TCERG1L: variants seen among roughly 807,000 people sequenced by gnomAD.
TCERG1L encodes the protein transcription elongation regulator 1 like, also known as transcription elongation regulator 1-like protein.
Under a neutral mutation model 56.3 loss-of-function variants are expected in TCERG1L, and 37 were observed. The observed-to-expected ratio is 0.66, with a 90% CI of 0.51 to 0.87. The LOEUF is 0.87. Among genes scored for constraint, TCERG1L ranks in the 40% least tolerant of loss-of-function variants. The pLI is 0.00. For synonymous variants in TCERG1L, 324 were observed against 326.3 expected (o/e 0.99, Z 0.08); for missense variants, 799 against 774.2 (o/e 1.03, Z -0.38).
chr10:131,210,508 A>G lies in TCERG1L; in HGVS notation c.857-43623T>C, dbSNP rs1375276668. On this transcript the variant is annotated intron_variant, in intron 4 of 11. Transcript: ENST00000368642. ...CGTGGGCAATACCAAGGTGAAAATA[A>G]AAAGAAAGAATTATCTGGGAAAAAT... 3.3e-5 allele frequency among the ~76,000 whole-genome samples: 5 copies of G among 152,248 alleles called. No homozygotes were observed. In the East Asian group the frequency reaches 7.7e-4, roughly 23 times the overall value.
chr10:131,280,215 T>C (rs1320845740), intron 3 of TCERG1L, among the ~76,000 whole-genome samples: 1 of 151,662 alleles, frequency 6.6e-6, no homozygotes, highest in Non-Finnish European at 1.5e-5. Flanking sequence ...GTTGCATTCT[T>C]TGAGTTCCTG....
At chr10:131,221,018 C>T (rs965696892) in intron 4 of TCERG1L, among the ~76,000 whole-genome samples, 1 of 152,082 alleles carries the variant, frequency 6.6e-6, no homozygotes, top group Admixed American at 6.5e-5. Context: ...GCCACTGAGG[C>T]CCCCCCAAGC....
chr10:131,158,061 C>T (rs1021233161), intron 6 of TCERG1L, among the ~76,000 whole-genome samples: 2 of 152,240 alleles, frequency 1.3e-5, no homozygotes, highest in Non-Finnish European at 2.9e-5. Context: ...GGAGGCCCTG[C>T]GTCTGGCCAC....
chr10:131,176,427 T>G (rs112598903), intron 4 of TCERG1L, among the ~76,000 whole-genome samples: 2 of 9,446 alleles, frequency 2.1e-4, no homozygotes, highest in Admixed American at 1.1e-3. Context: ...CCAAGACACA[T>G]GTACACACAG....
At chr10:131,117,904 T>C (rs1845475189) in intron 8 of TCERG1L, among the ~76,000 whole-genome samples, 1 of 152,234 alleles carries the variant, frequency 6.6e-6, no homozygotes, top group African/African-American at 2.4e-5. Context: ...TCTGGCCAAA[T>C]GCAGACGCCG....
chr10:131,280,805 C>T (rs1412892534), intron 3 of TCERG1L, among the ~76,000 whole-genome samples: 1 of 152,154 alleles, frequency 6.6e-6, no homozygotes, highest in Non-Finnish European at 1.5e-5. Flanking sequence ...CCGACAGGCT[C>T]AGGGTGGACA....
chr10:131,122,884 A>C (rs1211764372), intron 8 of TCERG1L, among the ~76,000 whole-genome samples: 1 of 152,188 alleles, frequency 6.6e-6, no homozygotes, highest in Admixed American at 6.5e-5. Flanking sequence ...TCAGAATTAG[A>C]CTTAATTGTA....
At position 131,192,028 on chromosome 10, in the gene TCERG1L, C is replaced by T. The variant is rs533211590; in HGVS notation, c.857-25143G>A. ...CAACAAAACCAAAAATAAATAAATG[C>T]GACCTTATTAAACTAAAAAAGCTTC... On this transcript the variant is annotated intron_variant, in intron 4 of 11. Transcript: ENST00000368642. 1.6e-3 allele frequency among the ~76,000 whole-genome samples: 223 copies of T among 142,106 alleles called. 37 individuals are homozygous for T. The highest frequency in any genetic ancestry group is 2.8e-3 in the Non-Finnish European group (181 of 64,772). The allele number at this position is 142,106 out of a possible 152,430, so 93.2% of individuals were successfully genotyped here.
chr10:131,294,816 T>C (rs1846671036), intron 3 of TCERG1L, among the ~76,000 whole-genome samples: 1 of 152,062 alleles, frequency 6.6e-6, no homozygotes, highest in Admixed American at 6.5e-5. Flanking sequence ...CCTGGCATTT[T>C]GTTGGGTATG....
intron 6 of TCERG1L, among the ~76,000 whole-genome samples, chr10:131,149,996 C>T (rs1184721342): frequency 6.6e-6 from 1 of 152,216 alleles, no homozygotes; most frequent in African/African-American, 2.4e-5. Context: ...CCATTTCTAA[C>T]AGTATTGCTT....
chr10:131,207,902 C>G (rs1361206390), intron 4 of TCERG1L, among the ~76,000 whole-genome samples: 1 of 152,096 alleles, frequency 6.6e-6, no homozygotes, highest in Admixed American at 6.5e-5. Context: ...TAGGCTGTGT[C>G]AAGAGTGAGA....
At chr10:131,105,248 A>C (rs1442268276) in intron 9 of TCERG1L, among the ~76,000 whole-genome samples, 2 of 152,240 alleles carry the variant, frequency 1.3e-5, no homozygotes. Flanking sequence ...ACAAGGGTAC[A>C]CACACTGCTG....
In TCERG1L at chr10:131,311,550, A is replaced by G; in HGVS notation, c.86T>C (p.Met29Thr). 8.5e-7 allele frequency: 1 copy of G among 1,175,568 alleles called. No individual in the cohort carries two copies. The highest frequency in any genetic ancestry group is 1.1e-6 in the Non-Finnish European group (1 of 951,760). 72.8% of individuals were successfully genotyped at this position (1,175,568 alleles called of 1,614,324 possible). ...CGGCGGCGGCGGCGGCTCTGCGTCC[A>G]TCGGCCAGAGGAGAGGCTGCCGCCG... ...PRRRQPLLWP[M>T]DAEPPPPPPW... Residue 29 changes from methionine to threonine, a missense_variant, in exon 1 of 12, where the codon ATG becomes ACG. Physicochemically the swap from Met to Thr is moderately conservative, Grantham distance 81. Transcript: ENST00000368642. The surrounding 1 kb of genome is among the most constrained non-coding windows in gnomAD (Gnocchi z 4.0).
intron 4 of TCERG1L, among the ~76,000 whole-genome samples, chr10:131,198,956 T>C (rs1487310020): frequency 2.0e-5 from 3 of 152,206 alleles, no homozygotes; most frequent in African/African-American, 7.2e-5. Flanking sequence ...CCTGGCCCAC[T>C]TGAGCCACAG....
chr10:131,187,358 T>G (rs1845255648), intron 4 of TCERG1L, among the ~76,000 whole-genome samples: 1 of 152,186 alleles, frequency 6.6e-6, no homozygotes, highest in East Asian at 1.9e-4. Flanking sequence ...GCCCAGCCAT[T>G]GCAGAGAGCT....
rs553196205 is a variant in TCERG1L at position 131,115,272 on chromosome 10, CCCCTCGGGGCAG to C, written c.1395+1515_1395+1526del. ...TCACCCGGCAGCACCTCCCCTGGAG[CCCCTCGGGGCAG>C]GGCTAGAGCTTTTCACCACTCTGCA... On this transcript the variant is annotated intron_variant, in intron 9 of 11. Coordinates refer to ENST00000368642, the MANE Select transcript of TCERG1L (RefSeq NM_174937.4). Among the ~76,000 whole-genome samples, 21 of 152,338 alleles carry C rather than the reference CCCCTCGGGGCAG, an allele frequency of 1.4e-4. No individual in the cohort carries two copies. The East Asian group carries it at 4.1e-3, about 29-fold the overall frequency.
rs187338462 is a variant in TCERG1L, at chr10:131,235,215, G to A, written c.856+25044C>T. Among the ~76,000 whole-genome samples, 18 of 152,338 alleles carry A rather than the reference G, an allele frequency of 1.2e-4. No homozygotes were observed. The East Asian group carries it at 3.5e-3, about 29-fold the overall frequency. On this transcript the variant is annotated intron_variant, in intron 4 of 11. Coordinates refer to ENST00000368642, the MANE Select transcript of TCERG1L (RefSeq NM_174937.4). ...CTAATGTAGTTTACCCTTACCACAT[G>A]TACCAACAAAGTAGTTTTCTAAGGC...
chr10:131,191,864 CAAAAAAAAAAAAAA>C (rs59816491), intron 4 of TCERG1L, among the ~76,000 whole-genome samples: 1 of 28,704 alleles, frequency 3.5e-5, no homozygotes, highest in Non-Finnish European at 5.9e-5. Context: ...GACTCCGTCT[CAAAAAAAAAAAAAA>C]AAAAAAAAAA....
At chr10:131,251,548 C>T (rs1181460042) in intron 4 of TCERG1L, among the ~76,000 whole-genome samples, 3 of 152,112 alleles carry the variant, frequency 2.0e-5, no homozygotes, top group Non-Finnish European at 2.9e-5. Context: ...TACTGTGTTC[C>T]GGACTGCTGA....
Sources: allele counts gnomAD v4.1 joint callset (sites outside exome capture counted in the v4.1 genomes callset), GRCh38; gene constraint gnomAD v4.1.1; non-coding constraint Gnocchi (gnomAD v3.1); transcripts MANE v1.5; gene names NCBI Gene and HGNC (gene_info 2026-07-23, HGNC 2026-07-21).